Variants in ZIC1 observed in about 807,000 individuals in gnomAD.
ZIC1 encodes zinc finger protein ZIC 1.
In ZIC1, 4 loss-of-function variants were observed where a neutral mutation model predicts 30.9. The observed-to-expected ratio is 0.13, with a 90% CI of 0.06 to 0.30. The LOEUF (loss-of-function observed/expected upper bound fraction) is 0.30. Among genes scored for constraint, ZIC1 ranks in the 10% least tolerant of loss-of-function variants. The pLI is 1.00. For synonymous variants in ZIC1, 305 were observed against 277.5 expected, an observed-to-expected ratio of 1.10 and a Z score of -0.98; for missense variants, 441 against 639.3, an observed-to-expected ratio of 0.69 and a Z score of 3.34.
chr3:147,411,912 G>A (rs922074489), intron 1 of ZIC1, among the ~76,000 whole-genome samples: 1 of 152,224 alleles, frequency 6.6e-6, no homozygotes, highest in African/African-American at 2.4e-5. Context: ...CCAAGAGGCC[G>A]GGAACTGGGT....
In ZIC1 at chr3:147,413,770, A is replaced by G; in HGVS notation, c.*219A>G. ...TTCATTATTTTTCTTTTTTTGGCAA[A>G]GGCTTGGTACCCAAGGTGCGGTAGG... On this transcript the variant is annotated 3_prime_UTR_variant, in exon 3 of 3. Transcript: ENST00000282928. 1.8e-6 allele frequency: 1 copy of G among 543,232 alleles called. No individual in the cohort carries two copies. The highest frequency in any genetic ancestry group is 2.9e-6 in the Non-Finnish European group (1 of 348,460). 33.7% of individuals were successfully genotyped at this position (543,232 alleles called of 1,614,324 possible). A position where few individuals can be genotyped will look rare whatever the true frequency, so the allele number is the denominator to read the frequency against.
chr3:147,412,526 C>T lies in ZIC1; in HGVS notation c.991C>T (p.Pro331Ser). Reference sequence around the variant, plus strand: ...TTCTACTTTGGCACCAGGGGAGAAGCCCTTCAAGTGCGAGTTTGAGGGCTG... The same window carrying T: ...TTCTACTTTGGCACCAGGGGAGAAGTCCTTCAAGTGCGAGTTTGAGGGCTG... The part of the protein sequence containing the change: ...IHKRTHTGEK[P>S]FKCEFEGCDR... Residue 331 changes from proline (P) to serine (S), a missense_variant, in exon 2 of 3, where the codon CCC (proline) becomes TCC (serine). Pro to Ser is a moderately conservative substitution (Grantham distance 74). This residue lies in a region of ZIC1 where 14 missense variants were observed against 99.8 expected (regional missense o/e 0.14). Transcript: ENST00000282928. 1 of 1,614,108 alleles carries T rather than the reference C, an allele frequency of 6.2e-7. No individual in the cohort carries two copies. The highest frequency in any genetic ancestry group is 8.5e-7 in the Non-Finnish European group (1 of 1,180,020).
At position 147,409,428 on chromosome 3, in the gene ZIC1, G is replaced by T. The variant is rs554223363; in HGVS notation, c.-685G>T. On this transcript the variant is annotated 5_prime_UTR_variant, in exon 1 of 3. Transcript: ENST00000282928. ...TCGCGCTCACCGCCCGGCTGAGGAG[G>T]TGAAAGTTTCTCCCCAGGAAGATAA... 1 of 152,642 alleles carries T rather than the reference G, an allele frequency of 6.6e-6. No homozygotes were observed. Among genetic ancestry groups the T allele is most frequent in the African/African-American group, 2.4e-5 (1 of 41,444 alleles). 9.5% of individuals were successfully genotyped at this position (152,642 alleles called of 1,614,324 possible). A position where few individuals can be genotyped will look rare whatever the true frequency, so the allele number is the denominator to read the frequency against.
At chr3:147,411,366 G>C (rs1421543440) in intron 1 of ZIC1, among the ~76,000 whole-genome samples, 1 of 152,214 alleles carries the variant, frequency 6.6e-6, no homozygotes, top group Non-Finnish European at 1.5e-5. Context: ...AGCCAAACCT[G>C]GTTTGGCGGA....
In ZIC1 at chr3:147,410,064, C is replaced by T; in HGVS notation, c.-49C>T. 1 of 1,167,038 alleles carries T rather than the reference C, an allele frequency of 8.6e-7. No homozygotes were observed. The highest frequency in any genetic ancestry group is 1.7e-5 in the South Asian group (1 of 60,478). 72.3% of individuals were successfully genotyped at this position (1,167,038 alleles called of 1,614,324 possible). A position where few individuals can be genotyped will look rare whatever the true frequency, so the allele number is the denominator to read the frequency against. On this transcript the variant is annotated 5_prime_UTR_variant, in exon 1 of 3. Coordinates refer to ENST00000282928, the MANE Select transcript of ZIC1 (RefSeq NM_003412.4). ...CTCCCGATTTTCCCTCCTCGGCTGGCGAGGGTGGGGGGGGCGGGGGAGGCC... is the reference window on the plus strand; with the variant it reads ...CTCCCGATTTTCCCTCCTCGGCTGGTGAGGGTGGGGGGGGCGGGGGAGGCC...
chr3:147,412,221 T>C (rs554950692), intron 1 of ZIC1, among the ~76,000 whole-genome samples: 1 of 152,148 alleles, frequency 6.6e-6, no homozygotes, highest in Non-Finnish European at 1.5e-5. Context: ...TGTGTAGCTC[T>C]GGGTAATACG....
Position 147,416,113 on chromosome 3 carries a change from C to A in ZIC1, c.*2562C>A, listed in dbSNP as rs978446154. 2.0e-5 allele frequency: 3 copies of A among 152,084 alleles called. No homozygotes were observed. The South Asian group carries it at 6.2e-4, about 32-fold the overall frequency. The allele number at this position is 152,084 out of a possible 1,614,324, so 9.4% of individuals were successfully genotyped here. ...AAAAATTTGCGAAGCAAAAGCTAGC[C>A]CCAATTGGTTTGGAAGTTTGAAACT... is the stretch of plus-strand genomic sequence containing the variant. On this transcript the variant is annotated 3_prime_UTR_variant, in exon 3 of 3. Coordinates refer to ENST00000282928, the MANE Select transcript of ZIC1 (RefSeq NM_003412.4).
chr3:147,411,354 GA>G (rs2087375855), intron 1 of ZIC1, among the ~76,000 whole-genome samples: 1 of 152,224 alleles, frequency 6.6e-6, no homozygotes, highest in Non-Finnish European at 1.5e-5. Context: ...CGGAGAACAG[GA>G]AGCCAAACCT....
At position 147,409,527 on chromosome 3, in the gene ZIC1, C is replaced by T. The variant is rs2087342088; in HGVS notation, c.-586C>T. ...TTCTTTCTTTCTTCACCCCCCCACC[C>T]ACTTTTTTTTTTTTTTTTTTCAAAA... On this transcript the variant is annotated 5_prime_UTR_variant, in exon 1 of 3. Transcript: ENST00000282928. 6.6e-6 allele frequency: 1 copy of T among 150,994 alleles called. No homozygotes were observed. The highest frequency in any genetic ancestry group is 2.4e-5 in the African/African-American group (1 of 40,892). 9.4% of individuals were successfully genotyped at this position (150,994 alleles called of 1,614,324 possible). A position where few individuals can be genotyped will look rare whatever the true frequency, so the allele number is the denominator to read the frequency against.
rs142646409 is a variant in ZIC1, at chr3:147,415,623, G to A, written c.*2072G>A. On this transcript the variant is annotated 3_prime_UTR_variant, in exon 3 of 3. Transcript: ENST00000282928. ...AGGTGGCAGAAACTGACCTCACTGG[G>A]CAAGGGTGGCCATGGACCTGATTCT... is the stretch of plus-strand genomic sequence containing the variant. 2 of 152,674 alleles carry A rather than the reference G, an allele frequency of 1.3e-5. No homozygotes were observed. Among genetic ancestry groups the A allele is most frequent in the East Asian group, 3.9e-4 (2 of 5,186 alleles). 9.5% of individuals were successfully genotyped at this position (152,674 alleles called of 1,614,324 possible).
rs1048747464 is a variant in ZIC1 at position 147,414,239 on chromosome 3, T to C, written c.*688T>C. ...CAAACATTTCGTCCCAAAGTCTAAG[T>C]ACTTTAGTGCAGTAAAATGTTGTTT... On this transcript the variant is annotated 3_prime_UTR_variant, in exon 3 of 3. Transcript: ENST00000282928. The C allele has an allele frequency of 2.6e-5, 4 of 152,652 alleles. No individual in the cohort carries two copies. The highest frequency in any genetic ancestry group is 9.6e-5 in the African/African-American group (4 of 41,472). The allele number at this position is 152,652 out of a possible 1,614,324, so 9.5% of individuals were successfully genotyped here. A position where few individuals can be genotyped will look rare whatever the true frequency, so the allele number is the denominator to read the frequency against.
intron 2 of ZIC1, among the ~76,000 whole-genome samples, chr3:147,412,903 TAAAAG>T (rs978608573): frequency 6.6e-6 from 1 of 152,136 alleles, no homozygotes; most frequent in African/African-American, 2.4e-5. Context: ...TAATAAAAGT[TAAAAG>T]AGGCGAGTAT....
chr3:147,411,186 C>A, intron 1 of ZIC1, 92 bp downstream of exon 1: 1 of 1,503,950 alleles, frequency 6.6e-7, no homozygotes. Context: ...AACGCAGCCT[C>A]GGTGGGATCC....
At chr3:147,411,703 G>A (rs2087380432) in intron 1 of ZIC1, among the ~76,000 whole-genome samples, 1 of 152,096 alleles carries the variant, frequency 6.6e-6, no homozygotes, top group African/African-American at 2.4e-5. Flanking sequence ...GGTTTGAGGG[G>A]TGGAGAAAGT....
At position 147,410,059 on chromosome 3, in the gene ZIC1, G is replaced by T; in HGVS notation, c.-54G>T. 2 of 1,416,774 alleles carry T rather than the reference G, an allele frequency of 1.4e-6. No individual in the cohort carries two copies. The highest frequency in any genetic ancestry group is 1.8e-6 in the Non-Finnish European group (2 of 1,092,608). The allele number at this position is 1,416,774 out of a possible 1,614,324, so 87.8% of individuals were successfully genotyped here. A position where few individuals can be genotyped will look rare whatever the true frequency, so the allele number is the denominator to read the frequency against. On this transcript the variant is annotated 5_prime_UTR_variant, in exon 1 of 3. Coordinates refer to ENST00000282928, the MANE Select transcript of ZIC1 (RefSeq NM_003412.4). The stretch of plus-strand genomic sequence containing the variant: ...TCCTCCTCCCGATTTTCCCTCCTCG[G>T]CTGGCGAGGGTGGGGGGGGCGGGGG...
chr3:147,411,754 A>T (rs1456856549), intron 1 of ZIC1, among the ~76,000 whole-genome samples: 1 of 152,060 alleles, frequency 6.6e-6, no homozygotes, highest in East Asian at 1.9e-4. Flanking sequence ...ATTAGACTCC[A>T]TGAGGGTGTT....
rs2087433380 is a variant in ZIC1, at chr3:147,416,281, C to G, written c.*2730C>G. 1 of 152,204 alleles carries G rather than the reference C, an allele frequency of 6.6e-6. No individual in the cohort carries two copies. The highest frequency in any genetic ancestry group is 2.1e-4 in the South Asian group (1 of 4,824). 9.4% of individuals were successfully genotyped at this position (152,204 alleles called of 1,614,324 possible). ...TCCTTCCCACTTTCATTGAGATCAG[C>G]TTGTCTGATAACCTGATATGAGTGT... On this transcript the variant is annotated 3_prime_UTR_variant, in exon 3 of 3. Coordinates refer to ENST00000282928, the MANE Select transcript of ZIC1 (RefSeq NM_003412.4).
At position 147,410,290 on chromosome 3, in the gene ZIC1, G is replaced by T. The variant is rs748870052; in HGVS notation, c.178G>T (p.Gly60Cys). 1.2e-6 allele frequency: 2 copies of T among 1,600,096 alleles called. No homozygotes were observed. The highest frequency in any genetic ancestry group is 2.2e-5 in the South Asian group (2 of 90,990). ...NPSSHELASA[G>C]QTAFTSQAPG... The stretch of plus-strand genomic sequence containing the variant: ...CAGTTCGCACGAGCTGGCTTCGGCC[G>T]GCCAGACGGCCTTCACGTCGCAGGC... The change falls in exon 1 of 3, where the codon GGC becomes TGC. Residue 60 changes from glycine to cysteine, a missense_variant. By Grantham distance (159) the Gly-to-Cys change is radical. Around this residue, in one of 5 missense-constraint regions of ZIC1, gnomAD observed 307 missense variants for 355.3 expected, o/e 0.86. Coordinates refer to ENST00000282928, the MANE Select transcript of ZIC1 (RefSeq NM_003412.4).
At chr3:147,413,273 GGGCACTCGC>G (rs1309918672) in intron 2 of ZIC1, 72 bp from the exon 3 acceptor site, 8 of 1,482,982 alleles carry the variant, frequency 5.4e-6, no homozygotes, top group Non-Finnish European at 7.3e-6. Flanking sequence ...CCAGGAGGAA[GGGCACTCGC>G]GGCCTTCGCC....
Sources: gnomAD v4.1 joint callset for allele counts (sites outside exome capture counted in the v4.1 genomes callset) on GRCh38, gnomAD v4.1.1 for gene constraint, gnomAD v4.1.1 regional missense constraint, MANE v1.5 for transcripts, NCBI Gene and HGNC (gene_info 2026-07-23, HGNC 2026-07-21) for gene names.